The following ERN1 variants were observed in gnomAD, a reference collection of about 807,000 sequenced individuals.
The protein encoded by ERN1 is endoplasmic reticulum to nucleus signaling 1.
ERN1 carries 39 observed loss-of-function variants against 113.1 expected under a neutral mutation model. The ratio of observed to expected loss-of-function variants is 0.34; its 90% confidence interval spans 0.27 to 0.45. The LOEUF (loss-of-function observed/expected upper bound fraction) is 0.45. ERN1 is among the 20% of genes least tolerant of loss of function. The pLI is 1.00. For missense variants in ERN1, 976 were observed against 1,274.8 expected (o/e 0.77, Z 3.57); for synonymous variants, 507 against 515.9 (o/e 0.98, Z 0.23).
chr17:64,120,218 C>T (rs188821705), intron 1 of ERN1, among the ~76,000 whole-genome samples: 1 of 152,270 alleles, frequency 6.6e-6, no homozygotes, highest in African/African-American at 2.4e-5. Context: ...CATTCCTAGC[C>T]ACAGTTGTGG....
Position 64,068,309 on chromosome 17 carries a change from GC to G in ERN1, c.479-19del. On this transcript the variant is annotated intron_variant, in intron 6 of 21. Coordinates refer to ENST00000433197, the MANE Select transcript of ERN1 (RefSeq NM_001433.5). ...GGTGTATTCTAAAGAACACAGACCA[GC>G]CAGCCCATTACCACGGAGGGGCCAT... 6.3e-7 allele frequency: 1 copy of G among 1,580,416 alleles called. No homozygotes were observed.
Position 64,055,738 on chromosome 17 carries a change from G to A in ERN1, c.1609C>T (p.Leu537Phe). The A allele has an allele frequency of 6.2e-7, 1 of 1,612,144 alleles. No homozygotes were observed. Among genetic ancestry groups the A allele is most frequent in the African/African-American group, 1.3e-5 (1 of 75,034 alleles). The stretch of plus-strand genomic sequence containing the variant: ...TTGGAGGCAGAGCTGCCGGAGCAGA[G>A]CGAGTGGTTGGAGGCCCTGGGGGAC... ...STSPRASNHS[L>F]CSGSSASKAG... Residue 537 changes from leucine to phenylalanine, a missense_variant, in exon 13 of 22, where the codon CTC (leucine) becomes TTC (phenylalanine). Coordinates refer to ENST00000433197, the MANE Select transcript of ERN1 (RefSeq NM_001433.5).
chr17:64,104,123 T>A (rs1914458550), intron 1 of ERN1, among the ~76,000 whole-genome samples: 1 of 151,930 alleles, frequency 6.6e-6, no homozygotes, highest in Admixed American at 6.6e-5. Context: ...ATGTATGTAG[T>A]CCCAGCTACT....
chr17:64,065,154 G>A (rs1207859966), intron 9 of ERN1, 55 bp downstream of exon 9: 8 of 1,270,164 alleles, frequency 6.3e-6, no homozygotes, highest in Non-Finnish European at 8.8e-6. Context: ...GTCATTCTTT[G>A]CTAAAATGGA....
intron 12 of ERN1, among the ~76,000 whole-genome samples, chr17:64,056,378 G>C (rs1912870583): frequency 1.3e-5 from 2 of 152,238 alleles, no homozygotes; most frequent in African/African-American, 4.8e-5. Context: ...CCGTGTCTGT[G>C]TGTTGGCTAG....
rs1028598378 is a variant in ERN1, at chr17:64,063,763, G to A, written c.1087+223C>T. Among the ~76,000 whole-genome samples, 6 of 152,182 alleles carry A rather than the reference G, an allele frequency of 3.9e-5. No individual in the cohort carries two copies. The highest frequency in any genetic ancestry group is 6.5e-5 in the Admixed American group (1 of 15,280). ...AGGTTTACATTAATTTAGTACCTGA[G>A]TTTTGGAACATTAAACAGTTTTCAA... On this transcript the variant is annotated intron_variant, in intron 10 of 21. Coordinates refer to ENST00000433197, the MANE Select transcript of ERN1 (RefSeq NM_001433.5). The surrounding 1 kb of genome is among the most constrained non-coding windows in gnomAD (Gnocchi z 5.1).
At chr17:64,108,001 G>C (rs556517412) in intron 1 of ERN1, among the ~76,000 whole-genome samples, 1 of 152,216 alleles carries the variant, frequency 6.6e-6, no homozygotes, top group South Asian at 2.1e-4. Flanking sequence ...CATTTGCTTT[G>C]GATGGGAGTC....
At position 64,074,915 on chromosome 17, in the gene ERN1, A is replaced by T. The variant is rs377418011; in HGVS notation, c.355+260T>A. ...GCCACTGGGTATGTTGCAATCTTGG[A>T]ATCTCAGGACTAAGTCAACACAGCA... On this transcript the variant is annotated intron_variant, in intron 5 of 21. Transcript: ENST00000433197. Among the ~76,000 whole-genome samples, 6 of 152,342 alleles carry T rather than the reference A, an allele frequency of 3.9e-5. No homozygotes were observed. In the East Asian group the frequency reaches 7.7e-4, roughly 20 times the overall value.
At chr17:64,118,503 G>C (rs1021697683) in intron 1 of ERN1, among the ~76,000 whole-genome samples, 8 of 152,202 alleles carry the variant, frequency 5.3e-5, no homozygotes, top group African/African-American at 1.7e-4. Flanking sequence ...CCTGGTGCTG[G>C]AGTCCACACA....
chr17:64,077,369 A>G (rs1333751793), intron 4 of ERN1, among the ~76,000 whole-genome samples: 3 of 152,200 alleles, frequency 2.0e-5, no homozygotes, highest in Non-Finnish European at 4.4e-5. Flanking sequence ...CAAAGTGAAC[A>G]TACCCACGTA....
chr17:64,124,442 A>T (rs1915028078), intron 1 of ERN1, among the ~76,000 whole-genome samples: 1 of 152,154 alleles, frequency 6.6e-6, no homozygotes, highest in Non-Finnish European at 1.5e-5. Context: ...GTGCTGTTGG[A>T]GGGACCCCGT....
chr17:64,048,741 AC>A (rs1367686617), intron 18 of ERN1, among the ~76,000 whole-genome samples: 1 of 152,104 alleles, frequency 6.6e-6, no homozygotes, highest in African/African-American at 2.4e-5. Context: ...GCAGGAAGGG[AC>A]CTCTGATTAT....
intron 15 of ERN1, among the ~76,000 whole-genome samples, chr17:64,053,726 C>T (rs1168520674): frequency 6.6e-6 from 1 of 152,124 alleles, no homozygotes; most frequent in Non-Finnish European, 1.5e-5. Context: ...CCAGCCATGA[C>T]TGAAGAGGGA....
At chr17:64,065,154 G>T in intron 9 of ERN1, 55 bp downstream of exon 9, 2 of 1,270,162 alleles carry the variant, frequency 1.6e-6, no homozygotes, top group Non-Finnish European at 2.2e-6. Flanking sequence ...GTCATTCTTT[G>T]CTAAAATGGA....
intron 2 of ERN1, among the ~76,000 whole-genome samples, chr17:64,094,102 T>C (rs1347607892): frequency 5.3e-5 from 8 of 152,236 alleles, no homozygotes; most frequent in Non-Finnish European, 7.3e-5. Flanking sequence ...TCCGAGGCTA[T>C]AGCCTGTTTT....
intron 2 of ERN1, among the ~76,000 whole-genome samples, chr17:64,091,366 C>G (rs1202087924): frequency 2.0e-5 from 3 of 152,208 alleles, no homozygotes; most frequent in Admixed American, 2.0e-4. Context: ...TTTCTCAGGA[C>G]TCCCAAAAGA....
intron 1 of ERN1, among the ~76,000 whole-genome samples, chr17:64,116,651 A>C (rs1238565987): frequency 2.8e-4 from 41 of 148,324 alleles, no homozygotes; most frequent in African/African-American, 1.0e-3. Context: ...GTAAAAAAAA[A>C]ATAACACACA....
intron 5 of ERN1, among the ~76,000 whole-genome samples, chr17:64,073,713 G>A (rs533493181): frequency 4.0e-5 from 6 of 151,398 alleles, no homozygotes; most frequent in Admixed American, 6.6e-5. Flanking sequence ...GGATGGTCTC[G>A]ATCTCCTGAC....
Position 64,054,264 on chromosome 17 carries a change from C to T in ERN1, c.1939G>A (p.Ala647Thr). The T allele has an allele frequency of 1.2e-6, 2 of 1,612,418 alleles. No individual in the cohort carries two copies. Among genetic ancestry groups the T allele is most frequent in the Non-Finnish European group, 1.7e-6 (2 of 1,178,772 alleles). ...AATAAATCCACCTCTTGCAGGGTGG[C>T]TGCACACAGCTCGATGGCAATGTAC... ...FQYIAIELCA[A>T]TLQEYVEQKD... Residue 647 changes from alanine (A) to threonine (T), a missense_variant, in exon 15 of 22, where the codon GCC (alanine) becomes ACC (threonine). Around this residue, in one of 5 missense-constraint regions of ERN1, gnomAD observed 297 missense variants for 457.8 expected, o/e 0.65. Coordinates refer to ENST00000433197, the MANE Select transcript of ERN1 (RefSeq NM_001433.5). The surrounding 1 kb of genome is among the most constrained non-coding windows in gnomAD (Gnocchi z 4.9).
Sources: allele counts gnomAD v4.1 joint callset (sites outside exome capture counted in the v4.1 genomes callset), GRCh38; gene constraint gnomAD v4.1.1; regional missense constraint gnomAD v4.1.1; non-coding constraint Gnocchi (gnomAD v3.1); transcripts MANE v1.5; gene names NCBI Gene and HGNC (gene_info 2026-07-23, HGNC 2026-07-21).